The following RNLS variants were observed in gnomAD, a reference collection of about 807,000 sequenced individuals.
RNLS encodes renalase, FAD dependent amine oxidase.
Under a neutral mutation model 39.8 loss-of-function variants are expected in RNLS, and 39 were observed. That is an observed-to-expected ratio of 0.98 (90% confidence interval 0.76 to 1.28). RNLS has a LOEUF of 1.28. RNLS is among the 50% of genes most tolerant of loss of function. The probability of loss-of-function intolerance (pLI) is 0.00; values close to 1 mark genes in which losing one functional copy is unlikely to be tolerated. For missense variants in RNLS, 410 were observed against 413.3 expected (o/e 0.99, Z 0.07); for synonymous variants, 147 against 150.7 (o/e 0.98, Z 0.18).
intron 5 of RNLS, among the ~76,000 whole-genome samples, chr10:88,355,129 A>T (rs1849049631): frequency 6.6e-6 from 1 of 152,062 alleles, no homozygotes; most frequent in Admixed American, 6.6e-5. Flanking sequence ...TCTTTTTTCA[A>T]GGTTTTTAAC....
chr10:88,365,450 A>G (rs1409742841), intron 4 of RNLS, among the ~76,000 whole-genome samples: 1 of 151,624 alleles, frequency 6.6e-6, no homozygotes, highest in African/African-American at 2.4e-5. Context: ...AAAAGGCCCA[A>G]TTCCAATATA....
At chr10:88,327,354 C>A (rs1180086267) in intron 5 of RNLS, among the ~76,000 whole-genome samples, 2 of 152,154 alleles carry the variant, frequency 1.3e-5, no homozygotes, top group Admixed American at 6.5e-5. Flanking sequence ...GTGATTGGAT[C>A]ATGGGGGTGG....
At chr10:88,193,663 C>T in the RNLS span, among the ~76,000 whole-genome samples, 1 of 152,148 alleles carries the variant, frequency 6.6e-6, no homozygotes, top group East Asian at 1.9e-4. Context: ...AGCCAGGTTC[C>T]CCTCTCCTAT....
the RNLS span, among the ~76,000 whole-genome samples, chr10:88,244,904 A>G: frequency 6.6e-6 from 1 of 152,220 alleles, no homozygotes; most frequent in Non-Finnish European, 1.5e-5. Context: ...AATGCTGGGT[A>G]GCAAGGATGG....
chr10:88,319,980 A>G (rs1397554502), intron 5 of RNLS, among the ~76,000 whole-genome samples: 1 of 152,096 alleles, frequency 6.6e-6, no homozygotes, highest in Non-Finnish European at 1.5e-5. Flanking sequence ...ACCAAGGCCT[A>G]TAATTATCAG....
At chr10:88,338,238 T>G (rs568707839) in intron 5 of RNLS, among the ~76,000 whole-genome samples, 2 of 152,358 alleles carry the variant, frequency 1.3e-5, no homozygotes, top group South Asian at 4.1e-4. Flanking sequence ...GCCAAAATGA[T>G]GGAAACGCTT....
the RNLS span, among the ~76,000 whole-genome samples, chr10:88,182,849 C>T: frequency 5.3e-5 from 8 of 152,052 alleles, no homozygotes; most frequent in East Asian, 1.5e-3. Flanking sequence ...GAAACAATAC[C>T]ATTAGCAAGT....
intron 4 of RNLS, among the ~76,000 whole-genome samples, chr10:88,495,927 C>A (rs748017472): frequency 6.6e-6 from 1 of 151,972 alleles, no homozygotes; most frequent in Non-Finnish European, 1.5e-5. Context: ...AAAGACAGAA[C>A]ATATTTGAAA....
intron 4 of RNLS, among the ~76,000 whole-genome samples, chr10:88,387,007 C>A (rs1176481139): frequency 6.6e-6 from 1 of 152,190 alleles, no homozygotes; most frequent in East Asian, 1.9e-4. Context: ...GTGATCTGTA[C>A]ACCCAAAACA....
downstream of RNLS, among the ~76,000 whole-genome samples, chr10:88,270,081 G>C (rs1842608731): frequency 6.6e-6 from 1 of 152,206 alleles, no homozygotes; most frequent in African/African-American, 2.4e-5. Flanking sequence ...CTGAGAAGAA[G>C]AGTCATTTCT....
intron 4 of RNLS, among the ~76,000 whole-genome samples, chr10:88,408,278 G>A (rs187286561): frequency 1.3e-5 from 2 of 151,976 alleles, no homozygotes; most frequent in African/African-American, 4.8e-5. Flanking sequence ...ATTATGCAAT[G>A]AGATGAAACT....
the RNLS span, among the ~76,000 whole-genome samples, chr10:88,190,911 G>A: frequency 6.6e-6 from 1 of 152,216 alleles, no homozygotes; most frequent in East Asian, 1.9e-4. Flanking sequence ...AAGTGGTGAG[G>A]TCCAACGTGG....
Position 88,381,812 on chromosome 10 carries a change from G to C in RNLS, c.527-19087C>G, listed in dbSNP as rs113412548. On this transcript the variant is annotated intron_variant, in intron 4 of 6. Transcript: ENST00000331772. ...GGGGTTGGTAAACTACCATCCATGG[G>C]CCAAATCTGACCCCTGTCTGGTTTT... 1.7e-4 allele frequency among the ~76,000 whole-genome samples: 26 copies of C among 152,092 alleles called. 2 individuals carry two copies. The highest frequency in any genetic ancestry group is 5.8e-4 in the African/African-American group (24 of 41,506).
intron 4 of RNLS, among the ~76,000 whole-genome samples, chr10:88,524,639 C>T (rs1448008729): frequency 6.6e-6 from 1 of 151,806 alleles, no homozygotes; most frequent in African/African-American, 2.4e-5. Context: ...CACATTTCAA[C>T]AGCTAAACAG....
intron 4 of RNLS, among the ~76,000 whole-genome samples, chr10:88,532,598 T>C (rs933063790): frequency 1.2e-4 from 19 of 152,016 alleles, no homozygotes; most frequent in Non-Finnish European, 2.5e-4. Flanking sequence ...AGCATAATTA[T>C]TGCCTCAAGA....
chr10:88,190,618 G>C, the RNLS span, among the ~76,000 whole-genome samples: 2 of 152,132 alleles, frequency 1.3e-5, no homozygotes, highest in Non-Finnish European at 2.9e-5. Context: ...TTTACAGCAA[G>C]TTTTCTAGTT....
At chr10:88,359,645 T>G (rs183882425) in intron 5 of RNLS, among the ~76,000 whole-genome samples, 2 of 152,352 alleles carry the variant, frequency 1.3e-5, no homozygotes, top group East Asian at 3.9e-4. Context: ...TGGTTTCCAA[T>G]TCATGTAGCC....
chr10:88,443,908 G>A (rs995198331), intron 4 of RNLS, among the ~76,000 whole-genome samples: 7 of 152,218 alleles, frequency 4.6e-5, no homozygotes, highest in African/African-American at 9.6e-5. Context: ...GGGCATAGCC[G>A]AACAAAAGGC....
rs756053127 is a variant in RNLS at position 88,496,709 on chromosome 10, G to A, written c.526+76194C>T. 5.5e-4 allele frequency among the ~76,000 whole-genome samples: 83 copies of A among 152,078 alleles called. 6 individuals are homozygous for A. The highest frequency in any genetic ancestry group is 2.6e-4 in the Admixed American group (4 of 15,234). ...AACACTTGATTTCATAGAGGAGAAG[G>A]GTTAAAGCTGGGATAGGCAAATACA... On this transcript the variant is annotated intron_variant, in intron 4 of 6. Coordinates refer to ENST00000331772, the MANE Select transcript of RNLS (RefSeq NM_001031709.3).
Sources: allele counts gnomAD v4.1 joint callset (sites outside exome capture counted in the v4.1 genomes callset), GRCh38; gene constraint gnomAD v4.1.1; transcripts MANE v1.5; gene names NCBI Gene and HGNC (gene_info 2026-07-23, HGNC 2026-07-21).